Variants in SENP7 observed in about 807,000 individuals in gnomAD.
The protein encoded by SENP7 is sentrin-specific protease 7.
A neutral mutation model predicts 141.2 loss-of-function variants in SENP7; 64 were observed. The observed-to-expected ratio is 0.45, with a 90% CI of 0.37 to 0.56. SENP7 has a LOEUF of 0.56. Among genes scored for constraint, SENP7 ranks in the 20% least tolerant of loss-of-function variants. The pLI is 0.00. For synonymous variants in SENP7, 382 were observed against 426.4 expected (o/e 0.90, Z 1.28); for missense variants, 1,025 against 1,212.2 (o/e 0.85, Z 2.29).
chr3:101,478,760 C>T (rs1474198840), intron 3 of SENP7, among the ~76,000 whole-genome samples: 3 of 152,074 alleles, frequency 2.0e-5, no homozygotes, highest in Non-Finnish European at 2.9e-5. Context: ...AACTTCCAGC[C>T]AATATCCCTT....
At chr3:101,375,745 A>G (rs184080706) in intron 6 of SENP7, among the ~76,000 whole-genome samples, 16 of 152,246 alleles carry the variant, frequency 1.1e-4, no homozygotes, top group African/African-American at 3.9e-4. Context: ...ATGAAAAGAA[A>G]AACAAAATGT....
intron 23 of SENP7, among the ~76,000 whole-genome samples, chr3:101,326,864 G>A (rs992701208): frequency 6.6e-6 from 1 of 151,358 alleles, no homozygotes; most frequent in African/African-American, 2.4e-5. Context: ...TTTTATATTT[G>A]TCTCTTAAGC....
chr3:101,474,928 C>T (rs2064155664), intron 3 of SENP7, among the ~76,000 whole-genome samples: 1 of 152,080 alleles, frequency 6.6e-6, no homozygotes, highest in Admixed American at 6.6e-5. Context: ...TTTAGACTGG[C>T]TGAATAGATA....
intron 3 of SENP7, among the ~76,000 whole-genome samples, chr3:101,481,283 C>T (rs2064467102): frequency 6.6e-6 from 1 of 152,092 alleles, no homozygotes; most frequent in African/African-American, 2.4e-5. Flanking sequence ...GGTGTATTTA[C>T]ACAATTAAAC....
chr3:101,491,764 G>A (rs1328850770), intron 3 of SENP7, among the ~76,000 whole-genome samples: 2 of 152,130 alleles, frequency 1.3e-5, no homozygotes, highest in Non-Finnish European at 1.5e-5. Context: ...GAATACTGAG[G>A]ACAAATCTCT....
At chr3:101,382,543 T>C (rs1446418784) in intron 6 of SENP7, among the ~76,000 whole-genome samples, 1 of 152,208 alleles carries the variant, frequency 6.6e-6, no homozygotes, top group Non-Finnish European at 1.5e-5. Context: ...TTCTTTACAT[T>C]AGCAGTTATA....
At chr3:101,397,977 A>ACAAAGGC (rs2061018835) in intron 6 of SENP7, among the ~76,000 whole-genome samples, 1 of 152,200 alleles carries the variant, frequency 6.6e-6, no homozygotes, top group Non-Finnish European at 1.5e-5. Flanking sequence ...AGAGCTTAAA[A>ACAAAGGC]CAAAGGCAAC....
intron 3 of SENP7, among the ~76,000 whole-genome samples, chr3:101,465,903 A>G (rs2063742754): frequency 6.6e-6 from 1 of 152,192 alleles, no homozygotes; most frequent in Non-Finnish European, 1.5e-5. Context: ...AAAAATTATG[A>G]AAACAATTTA....
chr3:101,509,278 T>C (rs2065753519), intron 1 of SENP7, among the ~76,000 whole-genome samples: 1 of 152,188 alleles, frequency 6.6e-6, no homozygotes, highest in Non-Finnish European at 1.5e-5. Context: ...CCAGCTTACT[T>C]TTGCTGCCCC....
rs537673709 is a variant in SENP7 at position 101,370,117 on chromosome 3, T to G, written c.796+1891A>C. ...AATAGCTAATTGTATTAGAAACACT[T>G]TCCCTACCAGTAGTGGTACCTTCAG... On this transcript the variant is annotated intron_variant, in intron 7 of 23. Transcript: ENST00000394095. 9.7e-4 allele frequency among the ~76,000 whole-genome samples: 148 copies of G among 152,312 alleles called. 2 individuals carry two copies. The highest frequency in any genetic ancestry group is 3.1e-3 in the African/African-American group (130 of 41,572).
chr3:101,341,785 A>G lies in SENP7; in HGVS notation c.2107-6T>C, dbSNP rs1184800992. The G allele has an allele frequency of 6.3e-7, 1 of 1,579,274 alleles. No individual in the cohort carries two copies. Among genetic ancestry groups the G allele is most frequent in the South Asian group, 1.1e-5 (1 of 87,498 alleles). ...GCCGCATCTGTGTTTGAGGGCTGAC[A>G]GAAAGTGGCAAGAAAAAGGGTCTCA... is the stretch of plus-strand genomic sequence containing the variant. On this transcript the variant is annotated splice_polypyrimidine_tract_variant and splice_region_variant and intron_variant, in intron 14 of 23. Coordinates refer to ENST00000394095, the MANE Select transcript of SENP7 (RefSeq NM_020654.5).
chr3:101,356,784 T>A lies in SENP7; in HGVS notation c.1623+4931A>T, dbSNP rs183450648. Among the ~76,000 whole-genome samples the A allele has an allele frequency of 2.8e-4, 42 of 152,286 alleles. No individual in the cohort carries two copies. In the East Asian group the frequency reaches 6.6e-3, roughly 24 times the overall value. ...TGCAGGACTCTTCTCCAATATAAATTCCCTGATGCTGAAAAAAGCTTGAGC... is the reference window on the plus strand; with the variant it reads ...TGCAGGACTCTTCTCCAATATAAATACCCTGATGCTGAAAAAAGCTTGAGC... On this transcript the variant is annotated intron_variant, in intron 11 of 23. Coordinates refer to ENST00000394095, the MANE Select transcript of SENP7 (RefSeq NM_020654.5).
chr3:101,353,492 C>G (rs764837434), intron 11 of SENP7, among the ~76,000 whole-genome samples: 2 of 151,904 alleles, frequency 1.3e-5, no homozygotes, highest in Admixed American at 6.6e-5. Context: ...AGTTAAAACC[C>G]TACTCCCAGC....
chr3:101,495,328 G>T (rs1161297786), intron 2 of SENP7, among the ~76,000 whole-genome samples: 1 of 152,202 alleles, frequency 6.6e-6, no homozygotes, highest in African/African-American at 2.4e-5. Flanking sequence ...CAACCATTGT[G>T]GAAGACAGTG....
At chr3:101,388,825 T>A (rs2060731159) in intron 6 of SENP7, among the ~76,000 whole-genome samples, 1 of 149,292 alleles carries the variant, frequency 6.7e-6, no homozygotes, top group Non-Finnish European at 1.5e-5. Flanking sequence ...TAAACAGAAA[T>A]CCTGGAACTT....
chr3:101,378,971 T>C (rs1303114061), intron 6 of SENP7, among the ~76,000 whole-genome samples: 1 of 152,150 alleles, frequency 6.6e-6, no homozygotes, highest in Non-Finnish European at 1.5e-5. Context: ...TAATACTCTC[T>C]GATTTCAAAA....
chr3:101,365,690 A>T (rs1442569676), intron 9 of SENP7, among the ~76,000 whole-genome samples: 1 of 151,892 alleles, frequency 6.6e-6, no homozygotes, highest in Non-Finnish European at 1.5e-5. Context: ...TATTTTTAAT[A>T]ATCCTGTTAA....
chr3:101,436,552 CAA>C (rs1273184893), intron 4 of SENP7, among the ~76,000 whole-genome samples: 6 of 151,854 alleles, frequency 4.0e-5, no homozygotes, highest in African/African-American at 1.5e-4. Flanking sequence ...CCAGAATATA[CAA>C]AGAGTCCAAA....
Position 101,327,651 on chromosome 3 carries a change from T to G in SENP7, c.3015+15A>C. On this transcript the variant is annotated intron_variant, in intron 23 of 23. Transcript: ENST00000394095. ...GGTAACTGTGAATTAAAAACTTATT[T>G]ATAGCTTCACATACCTTGAAGAAGC... 6.3e-7 allele frequency: 1 copy of G among 1,581,672 alleles called. No individual in the cohort carries two copies. Among genetic ancestry groups the G allele is most frequent in the Non-Finnish European group, 8.6e-7 (1 of 1,165,600 alleles).
Sources: allele counts gnomAD v4.1 joint callset (sites outside exome capture counted in the v4.1 genomes callset), GRCh38; gene constraint gnomAD v4.1.1; transcripts MANE v1.5; gene names NCBI Gene and HGNC (gene_info 2026-07-23, HGNC 2026-07-21).